Variants in NAALADL2 observed in about 807,000 individuals in gnomAD.
The protein encoded by NAALADL2 is N-acetylated alpha-linked acidic dipeptidase like 2.
In NAALADL2, 76 loss-of-function variants were observed where a neutral mutation model predicts 87.2. That is an observed-to-expected ratio of 0.87 (90% CI 0.72 to 1.05). The LOEUF (loss-of-function observed/expected upper bound fraction) is 1.05. Among genes scored for constraint, NAALADL2 ranks in the 50% least tolerant of loss-of-function variants. The pLI is 0.00. For missense variants in NAALADL2, 1,089 were observed against 945.8 expected (o/e 1.15, Z -1.99); for synonymous variants, 354 against 331.0 (o/e 1.07, Z -0.75).
chr3:175,059,690 G>A (rs544531615), intron 1 of NAALADL2: 1 of 320,396 alleles, frequency 3.1e-6, no homozygotes. Context: ...CCTCTTTGCT[G>A]CTTCACCTTC....
chr3:174,473,729 A>G (rs1417407153), intron 1 of NAALADL2, among the ~76,000 whole-genome samples: 1 of 152,126 alleles, frequency 6.6e-6, no homozygotes, highest in South Asian at 2.1e-4. Flanking sequence ...TAAAAAATAT[A>G]TGTTCATTTG....
intron 1 of NAALADL2, chr3:175,059,980 T>C: frequency 2.3e-6 from 1 of 436,504 alleles, no homozygotes; most frequent in Non-Finnish European, 4.6e-6. Flanking sequence ...TGCCAGGTAA[T>C]CATTGAGCAC....
At chr3:174,852,014 G>A (rs1725313302) in intron 3 of NAALADL2, among the ~76,000 whole-genome samples, 1 of 152,030 alleles carries the variant, frequency 6.6e-6, no homozygotes. Context: ...AAAGTACTTG[G>A]TAAAATTCAA....
intron 2 of NAALADL2, among the ~76,000 whole-genome samples, chr3:174,620,388 A>G (rs1720885265): frequency 1.3e-5 from 2 of 151,888 alleles, no homozygotes; most frequent in Non-Finnish European, 2.9e-5. Flanking sequence ...ACACAGCAAC[A>G]CCTACTGGAT....
At chr3:175,258,080 G>C (rs895870963) in intron 4 of NAALADL2, among the ~76,000 whole-genome samples, 1 of 152,018 alleles carries the variant, frequency 6.6e-6, no homozygotes, top group African/African-American at 2.4e-5. Flanking sequence ...AGGCCGAGGT[G>C]GGCAGAGCAC....
At chr3:174,704,718 G>A (rs1391600230) in intron 2 of NAALADL2, among the ~76,000 whole-genome samples, 3 of 151,698 alleles carry the variant, frequency 2.0e-5, no homozygotes, top group East Asian at 1.9e-4. Context: ...CCAAGGTATG[G>A]GAAAATATTA....
At chr3:175,242,155 C>T (rs1036104567) in intron 3 of NAALADL2, among the ~76,000 whole-genome samples, 3 of 152,106 alleles carry the variant, frequency 2.0e-5, no homozygotes, top group South Asian at 2.1e-4. Context: ...CCACCGCGCC[C>T]GGCCCTGGAT....
At chr3:174,601,211 T>G (rs1339031292) in intron 2 of NAALADL2, among the ~76,000 whole-genome samples, 1 of 152,150 alleles carries the variant, frequency 6.6e-6, no homozygotes, top group Non-Finnish European at 1.5e-5. Context: ...TTGAGAAACC[T>G]CCAAACTGTT....
At chr3:175,670,278 C>A (rs1733756607) in intron 11 of NAALADL2, among the ~76,000 whole-genome samples, 1 of 151,494 alleles carries the variant, frequency 6.6e-6, no homozygotes, top group South Asian at 2.1e-4. Context: ...AAAGTATTAA[C>A]AAGAGCTACA....
At chr3:174,447,593 G>A (rs557977954) in intron 1 of NAALADL2, among the ~76,000 whole-genome samples, 3 of 152,116 alleles carry the variant, frequency 2.0e-5, no homozygotes, top group East Asian at 1.9e-4. Flanking sequence ...CGAGGTGGGC[G>A]GATCACGAGG....
chr3:175,170,601 T>C (rs1263844817), intron 2 of NAALADL2, among the ~76,000 whole-genome samples: 2 of 150,762 alleles, frequency 1.3e-5, no homozygotes, highest in African/African-American at 4.8e-5. Flanking sequence ...TTCTTGACTC[T>C]AAATATTATT....
At chr3:174,594,365 T>A (rs1440540825) in intron 2 of NAALADL2, among the ~76,000 whole-genome samples, 1 of 152,168 alleles carries the variant, frequency 6.6e-6, no homozygotes, top group African/African-American at 2.4e-5. Context: ...TTACCTCAAC[T>A]GTCAAATAGA....
At chr3:175,704,705 G>GAT (rs1739439461) in intron 11 of NAALADL2, among the ~76,000 whole-genome samples, 1 of 151,966 alleles carries the variant, frequency 6.6e-6, no homozygotes, top group Admixed American at 6.6e-5. Context: ...TTTAAAATTG[G>GAT]ATATTTTGGT....
chr3:174,957,829 T>G (rs944615942), intron 1 of NAALADL2, among the ~76,000 whole-genome samples: 1 of 151,966 alleles, frequency 6.6e-6, no homozygotes, highest in African/African-American at 2.4e-5. Context: ...GTGTCTAAAT[T>G]AGATCAGAGG....
intron 9 of NAALADL2, among the ~76,000 whole-genome samples, chr3:175,549,217 G>T (rs1713912395): frequency 6.6e-6 from 1 of 151,528 alleles, no homozygotes; most frequent in Non-Finnish European, 1.5e-5. Flanking sequence ...TCATTACTCT[G>T]TAAATAATAC....
At chr3:175,091,868 T>C (rs2108326217) in intron 1 of NAALADL2, among the ~76,000 whole-genome samples, 1 of 152,100 alleles carries the variant, frequency 6.6e-6, no homozygotes, top group Admixed American at 6.6e-5. Flanking sequence ...AACAAGATGC[T>C]TCCCATTTTC....
rs149126467 is a variant in NAALADL2, at chr3:174,788,798, C to G, written c.-9+51052C>G. Among the ~76,000 whole-genome samples, 578 of 152,130 alleles carry G rather than the reference C, an allele frequency of 3.8e-3. 5 individuals are homozygous for G. The highest frequency in any genetic ancestry group is 0.013 in the African/African-American group (556 of 41,504). ...AGGCAAACCAAATACAGAGATCTAC[C>G]AAGCAGGACAAAGGACCCAACTGAG... On this transcript the variant is annotated intron_variant, in intron 3 of 3. Transcript: ENST00000434257.
intron 10 of NAALADL2, among the ~76,000 whole-genome samples, chr3:175,614,445 A>G (rs1300060766): frequency 1.3e-5 from 2 of 152,232 alleles, no homozygotes; most frequent in African/African-American, 4.8e-5. Flanking sequence ...AGCTTAAATT[A>G]TAATACATAT....
intron 4 of NAALADL2, among the ~76,000 whole-genome samples, chr3:175,308,898 T>A (rs1758011792): frequency 6.6e-6 from 1 of 152,216 alleles, no homozygotes; most frequent in African/African-American, 2.4e-5. Context: ...TTAATTGAAT[T>A]CTGTACATGA....
Sources: gnomAD v4.1 joint callset for allele counts (sites outside exome capture counted in the v4.1 genomes callset) on GRCh38, gnomAD v4.1.1 for gene constraint, MANE v1.5 for transcripts, NCBI Gene and HGNC (gene_info 2026-07-23, HGNC 2026-07-21) for gene names.